LGSN: variants seen among roughly 807,000 people sequenced by gnomAD.
The protein encoded by LGSN is lengsin, lens protein with glutamine synthetase domain.
In LGSN, 21 loss-of-function variants were observed where a neutral mutation model predicts 19.5. The observed-to-expected ratio is 1.07, with a 90% confidence interval of 0.76 to 1.55. The LOEUF (loss-of-function observed/expected upper bound fraction) is 1.55, where lower values mean the gene tolerates loss of function less well. Ranked by LOEUF, LGSN falls within the 40% of genes most tolerant of loss-of-function variation. The pLI, the probability that LGSN is intolerant of heterozygous loss-of-function variation, is 0.00. For missense variants in LGSN, 673 were observed against 608.5 expected (o/e 1.11, Z -1.12); for synonymous variants, 257 against 215.6 (o/e 1.19, Z -1.68).
chr6:63,375,327 TACAC>T, the LGSN span, among the ~76,000 whole-genome samples: 1 of 151,864 alleles, frequency 6.6e-6, no homozygotes, highest in Non-Finnish European at 1.5e-5. Context: ...AATTAATTCT[TACAC>T]ATACATATAT....
At chr6:63,334,441 A>C in the LGSN span, among the ~76,000 whole-genome samples, 1 of 152,032 alleles carries the variant, frequency 6.6e-6, no homozygotes, top group South Asian at 2.1e-4. Context: ...ACAAAACACT[A>C]ATGAAAGTAA....
the LGSN span, among the ~76,000 whole-genome samples, chr6:63,525,401 A>G: frequency 6.6e-6 from 1 of 151,634 alleles, no homozygotes; most frequent in Non-Finnish European, 1.5e-5. Flanking sequence ...GGTGGAACAC[A>G]CTCCTTCCCG....
the LGSN span, among the ~76,000 whole-genome samples, chr6:63,436,172 T>C: frequency 6.6e-6 from 1 of 152,222 alleles, no homozygotes; most frequent in Non-Finnish European, 1.5e-5. Flanking sequence ...TTTCCTTATA[T>C]CACTTTATTT....
the LGSN span, chr6:63,573,217 G>A: frequency 1.3e-5 from 2 of 153,080 alleles, no homozygotes; most frequent in African/African-American, 2.4e-5. Context: ...GGCCCGGGGT[G>A]GGGCGAGGGC....
chr6:63,425,615 C>A, the LGSN span, among the ~76,000 whole-genome samples: 2 of 151,506 alleles, frequency 1.3e-5, no homozygotes, highest in Non-Finnish European at 2.9e-5. Context: ...AGTTAGGGAG[C>A]GGGGGAAGGG....
the LGSN span, among the ~76,000 whole-genome samples, chr6:63,483,935 G>C: frequency 2.0e-5 from 3 of 151,792 alleles, no homozygotes; most frequent in Non-Finnish European, 4.4e-5. Context: ...TAATGAATTT[G>C]AGGGAGTACA....
At chr6:63,318,421 C>G (rs886862557) in intron 1 of LGSN, among the ~76,000 whole-genome samples, 7 of 152,268 alleles carry the variant, frequency 4.6e-5, no homozygotes, top group African/African-American at 1.7e-4. Flanking sequence ...TCATCTCTCT[C>G]CCTCCTTCCA....
At chr6:63,302,637 T>C (rs1241736962) in intron 1 of LGSN, among the ~76,000 whole-genome samples, 1 of 152,202 alleles carries the variant, frequency 6.6e-6, no homozygotes, top group Non-Finnish European at 1.5e-5. Context: ...GTTGTTAAAA[T>C]ATGCAATTTG....
chr6:63,398,207 TAAAAAAAAAAA>T, the LGSN span, among the ~76,000 whole-genome samples: 34 of 109,740 alleles, frequency 3.1e-4, no homozygotes, highest in African/African-American at 9.8e-4. Context: ...TCCTATTTAC[TAAAAAAAAAAA>T]AAAAAAAAAG....
the LGSN span, among the ~76,000 whole-genome samples, chr6:63,463,500 A>T: frequency 6.6e-6 from 1 of 152,194 alleles, no homozygotes; most frequent in East Asian, 1.9e-4. Context: ...TTATAAATAC[A>T]TATGATGTTC....
the LGSN span, among the ~76,000 whole-genome samples, chr6:63,337,962 T>G: frequency 6.6e-6 from 1 of 152,128 alleles, no homozygotes. Context: ...CTTGGCTCAC[T>G]GCAACCTCCA....
chr6:63,441,533 A>G, the LGSN span: 1 of 417,464 alleles, frequency 2.4e-6, no homozygotes, highest in African/African-American at 2.1e-5. Flanking sequence ...CAGACAGACC[A>G]CAAGTGGGAG....
At chr6:63,316,882 T>A (rs1200249674) in intron 1 of LGSN, among the ~76,000 whole-genome samples, 1 of 152,006 alleles carries the variant, frequency 6.6e-6, no homozygotes, top group African/African-American at 2.4e-5. Flanking sequence ...CATATAAAAA[T>A]ACTGCAAATA....
chr6:63,562,647 A>G, the LGSN span, among the ~76,000 whole-genome samples: 1 of 152,242 alleles, frequency 6.6e-6, no homozygotes, highest in Non-Finnish European at 1.5e-5. Context: ...TGTTTAGCAC[A>G]TGGCTTGGAA....
At chr6:63,290,926 GC>G (rs1767741816) in intron 2 of LGSN, among the ~76,000 whole-genome samples, 1 of 152,126 alleles carries the variant, frequency 6.6e-6, no homozygotes, top group South Asian at 2.1e-4. Context: ...TAACCGTCTG[GC>G]CCCTGTGGGT....
the LGSN span, among the ~76,000 whole-genome samples, chr6:63,520,382 T>G: frequency 1.3e-5 from 2 of 152,136 alleles, no homozygotes; most frequent in Admixed American, 1.3e-4. Context: ...ATCCCAGCAC[T>G]TTGGGAGACT....
chr6:63,368,719 C>T, the LGSN span, among the ~76,000 whole-genome samples: 1 of 152,284 alleles, frequency 6.6e-6, no homozygotes, highest in African/African-American at 2.4e-5. Flanking sequence ...CTGTTTCCTC[C>T]TACCAGAATG....
the LGSN span, among the ~76,000 whole-genome samples, chr6:63,458,295 G>A: frequency 7.9e-5 from 12 of 152,068 alleles, no homozygotes; most frequent in East Asian, 3.9e-4. Flanking sequence ...TCGAATTCCC[G>A]ACCTCAGGTG....
At chr6:63,369,896 G>A in the LGSN span, among the ~76,000 whole-genome samples, 16 of 152,184 alleles carry the variant, frequency 1.1e-4, no homozygotes, top group African/African-American at 3.6e-4. Flanking sequence ...CAGCTATTCA[G>A]GAGGCTAAGG....
Sources: allele counts gnomAD v4.1 joint callset (sites outside exome capture counted in the v4.1 genomes callset), GRCh38; gene constraint gnomAD v4.1.1; transcripts MANE v1.5; gene names NCBI Gene and HGNC (gene_info 2026-07-23, HGNC 2026-07-21).